The following AUTS2 variants were observed in gnomAD, a reference collection of about 807,000 sequenced individuals.
AUTS2 encodes activator of transcription and developmental regulator AUTS2, also known as autism susceptibility gene 2 protein.
AUTS2 carries 17 observed loss-of-function variants against 112.4 expected under a neutral mutation model. The observed-to-expected ratio is 0.15, with a 90% confidence interval of 0.10 to 0.23. The LOEUF is 0.23. Ranked by LOEUF, AUTS2 falls within the 10% of genes least tolerant of loss-of-function variation. The pLI is 1.00. For missense variants in AUTS2, 1,510 were observed against 1,701.6 expected (o/e 0.89, Z 1.98); for synonymous variants, 751 against 702.7 (o/e 1.07, Z -1.09).
intron 1 of AUTS2, among the ~76,000 whole-genome samples, chr7:69,648,392 T>C (rs1795134235): frequency 6.6e-6 from 1 of 151,898 alleles, no homozygotes; most frequent in South Asian, 2.1e-4. Context: ...ACATAGGTTC[T>C]CCTCTGAGGG....
intron 4 of AUTS2, among the ~76,000 whole-genome samples, chr7:70,330,388 TTTCCTG>T (rs1257217157): frequency 6.6e-6 from 1 of 152,216 alleles, no homozygotes; most frequent in African/African-American, 2.4e-5. Context: ...AGATTATTCT[TTTCCTG>T]TTAAATAGCT....
intron 2 of AUTS2, among the ~76,000 whole-genome samples, chr7:70,074,196 A>G (rs188216323): frequency 6.6e-6 from 1 of 152,354 alleles, no homozygotes; most frequent in Admixed American, 6.5e-5. Flanking sequence ...ATTATGGTTT[A>G]GCTGACTTTT....
chr7:70,528,133 A>C (rs564557246), intron 5 of AUTS2, among the ~76,000 whole-genome samples: 206 of 135,262 alleles, frequency 1.5e-3, no homozygotes, highest in Middle Eastern at 7.7e-3. Flanking sequence ...GGAGTGTTAC[A>C]CAGATTTTTC....
chr7:70,641,079 T>C (rs1805804106), intron 5 of AUTS2, among the ~76,000 whole-genome samples: 1 of 152,198 alleles, frequency 6.6e-6, no homozygotes, highest in South Asian at 2.1e-4. Flanking sequence ...TCCACCCGGC[T>C]CCAGCCATGC....
intron 1 of AUTS2, among the ~76,000 whole-genome samples, chr7:69,608,832 A>G (rs1388058824): frequency 6.6e-6 from 1 of 152,212 alleles, no homozygotes; most frequent in Admixed American, 6.5e-5. Context: ...GCATTTGATT[A>G]GTGTGTCTTA....
intron 2 of AUTS2, among the ~76,000 whole-genome samples, chr7:70,067,985 A>G (rs979376158): frequency 6.6e-6 from 1 of 152,170 alleles, no homozygotes; most frequent in African/African-American, 2.4e-5. Flanking sequence ...AGTGCACATA[A>G]TATTTACTAC....
intron 1 of AUTS2, among the ~76,000 whole-genome samples, chr7:69,843,546 G>C (rs370396608): frequency 6.6e-6 from 1 of 152,148 alleles, no homozygotes; most frequent in Non-Finnish European, 1.5e-5. Context: ...ATAAATTTCC[G>C]TTGAATGAGT....
chr7:69,978,991 A>C (rs1199663868), intron 2 of AUTS2, among the ~76,000 whole-genome samples: 2 of 152,026 alleles, frequency 1.3e-5, no homozygotes, highest in East Asian at 3.9e-4. Flanking sequence ...AAAGTTATGT[A>C]CTCTAGCTTA....
rs1414933101 is a variant in AUTS2 at position 70,488,118 on chromosome 7, C to A, written c.690+52337C>A. Reference sequence around the variant, plus strand: ...GAAGGCCTAGCAAGCTCACAGGCAGCCATTGTGCAAGGCAAGGAGGCCAGG... The same window carrying A: ...GAAGGCCTAGCAAGCTCACAGGCAGACATTGTGCAAGGCAAGGAGGCCAGG... On this transcript the variant is annotated intron_variant, in intron 5 of 18. Coordinates refer to ENST00000342771, the MANE Select transcript of AUTS2 (RefSeq NM_015570.4). 3.9e-5 allele frequency among the ~76,000 whole-genome samples: 6 copies of A among 152,194 alleles called. 1 individual carries two copies.
chr7:69,954,720 G>A (rs1358176913), intron 2 of AUTS2, among the ~76,000 whole-genome samples: 1 of 152,226 alleles, frequency 6.6e-6, no homozygotes, highest in African/African-American at 2.4e-5. Context: ...CCTTATGCAA[G>A]GTCATAAAGC....
chr7:70,088,757 C>A (rs537719814), intron 2 of AUTS2, among the ~76,000 whole-genome samples: 2 of 151,964 alleles, frequency 1.3e-5, no homozygotes, highest in Admixed American at 6.6e-5. Context: ...AGATTACAGG[C>A]GCTTACCACC....
chr7:70,031,563 AT>A (rs1374105131), intron 2 of AUTS2, among the ~76,000 whole-genome samples: 1 of 152,196 alleles, frequency 6.6e-6, no homozygotes, highest in African/African-American at 2.4e-5. Context: ...AGAACAGTTC[AT>A]CTGGCATAGC....
At chr7:69,762,104 G>A (rs1788209302) in intron 1 of AUTS2, among the ~76,000 whole-genome samples, 1 of 152,110 alleles carries the variant, frequency 6.6e-6, no homozygotes, top group Non-Finnish European at 1.5e-5. Flanking sequence ...TGTTGTGGCT[G>A]TTTGGCACAC....
At chr7:69,724,842 C>G (rs572618795) in intron 1 of AUTS2, among the ~76,000 whole-genome samples, 21 of 152,244 alleles carry the variant, frequency 1.4e-4, no homozygotes, top group African/African-American at 5.1e-4. Flanking sequence ...TTTTGGGGAT[C>G]CATGTCCAGA....
chr7:70,061,993 A>G (rs1162748026), intron 2 of AUTS2, among the ~76,000 whole-genome samples: 2 of 151,460 alleles, frequency 1.3e-5, no homozygotes, highest in Non-Finnish European at 2.9e-5. Flanking sequence ...TTGCCATGTT[A>G]GCCAGGCTGG....
chr7:70,690,130 A>C (rs1585512251), intron 5 of AUTS2, among the ~76,000 whole-genome samples: 1 of 152,176 alleles, frequency 6.6e-6, no homozygotes, highest in Non-Finnish European at 1.5e-5. Context: ...AGGCAGGGAG[A>C]GTGAAGAGAT....
At chr7:69,601,137 C>T (rs919771705) in intron 1 of AUTS2, among the ~76,000 whole-genome samples, 8 of 152,080 alleles carry the variant, frequency 5.3e-5, no homozygotes, top group African/African-American at 1.9e-4. Flanking sequence ...CCCCACCCCC[C>T]ACACACCATG....
At chr7:70,380,817 T>A (rs76927234) in intron 4 of AUTS2, among the ~76,000 whole-genome samples, 2,764 of 152,286 alleles carry the variant, frequency 0.018, 105 homozygotes, top group African/African-American at 0.063. Context: ...CTCCAAATAA[T>A]TCAAAAGCCA....
At chr7:69,782,898 G>A (rs1789202276) in intron 1 of AUTS2, among the ~76,000 whole-genome samples, 1 of 152,074 alleles carries the variant, frequency 6.6e-6, no homozygotes, top group Admixed American at 6.5e-5. Context: ...GTTTAACTCA[G>A]TCATAATATT....
Sources: gnomAD v4.1 joint callset for allele counts (sites outside exome capture counted in the v4.1 genomes callset) on GRCh38, gnomAD v4.1.1 for gene constraint, MANE v1.5 for transcripts, NCBI Gene and HGNC (gene_info 2026-07-23, HGNC 2026-07-21) for gene names.